The following FGF10 variants were observed in gnomAD, a reference collection of about 807,000 sequenced individuals.
FGF10 encodes FGF-10.
FGF10 carries 2 observed loss-of-function variants against 19.8 expected under a neutral mutation model. The observed-to-expected ratio is 0.10, with a 90% CI of 0.04 to 0.32. The LOEUF (loss-of-function observed/expected upper bound fraction) is 0.32, where lower values mean the gene tolerates loss of function less well. Among genes scored for constraint, FGF10 ranks in the 10% least tolerant of loss-of-function variants. FGF10 has a pLI of 1.00. For missense variants in FGF10, 191 were observed against 246.3 expected, an observed-to-expected ratio of 0.78 and a Z score of 1.50; for synonymous variants, 112 against 94.0, an observed-to-expected ratio of 1.19 and a Z score of -1.10.
At chr5:44,310,832 T>A (rs1013786929) in intron 1 of FGF10, among the ~76,000 whole-genome samples, 1 of 152,118 alleles carries the variant, frequency 6.6e-6, no homozygotes, top group Non-Finnish European at 1.5e-5. Flanking sequence ...TAACTCTGCA[T>A]TTTCAACCCT....
At chr5:44,348,368 A>G (rs959917868) in intron 1 of FGF10, among the ~76,000 whole-genome samples, 3 of 151,816 alleles carry the variant, frequency 2.0e-5, no homozygotes, top group African/African-American at 7.2e-5. Context: ...TGCCATAGTA[A>G]CACAACTTAC....
chr5:44,372,381 T>C (rs1195512291), intron 1 of FGF10, among the ~76,000 whole-genome samples: 7 of 152,166 alleles, frequency 4.6e-5, no homozygotes, highest in Non-Finnish European at 1.0e-4. Flanking sequence ...ACATTTGTCA[T>C]GGTATATGAG....
chr5:44,315,630 C>T (rs1045015622), intron 1 of FGF10, among the ~76,000 whole-genome samples: 1 of 152,138 alleles, frequency 6.6e-6, no homozygotes, highest in Non-Finnish European at 1.5e-5. Context: ...GATTATAATG[C>T]TATATAGTTT....
At chr5:44,359,059 A>T (rs1025367397) in intron 1 of FGF10, among the ~76,000 whole-genome samples, 1 of 151,490 alleles carries the variant, frequency 6.6e-6, no homozygotes, top group African/African-American at 2.4e-5. Context: ...GCCTTTTAGC[A>T]GTTGATTATG....
At chr5:44,324,976 T>C (rs1561201730) in intron 1 of FGF10, among the ~76,000 whole-genome samples, 2 of 152,226 alleles carry the variant, frequency 1.3e-5, no homozygotes, top group Admixed American at 6.5e-5. Context: ...AGATTATTCC[T>C]TGGTAAAATT....
At chr5:44,379,251 G>A (rs753302858) in intron 1 of FGF10, among the ~76,000 whole-genome samples, 32 of 152,188 alleles carry the variant, frequency 2.1e-4, no homozygotes, top group Non-Finnish European at 3.2e-4. Flanking sequence ...TGTGGAGAGT[G>A]TAAGCTCTAT....
intron 1 of FGF10, among the ~76,000 whole-genome samples, chr5:44,348,711 T>C (rs148176003): frequency 1.1e-4 from 16 of 151,710 alleles, no homozygotes; most frequent in Non-Finnish European, 1.6e-4. Flanking sequence ...ACATGCAATA[T>C]TTTGGACATA....
chr5:44,345,580 C>A (rs1194777459), intron 1 of FGF10, among the ~76,000 whole-genome samples: 1 of 149,014 alleles, frequency 6.7e-6, no homozygotes, highest in Non-Finnish European at 1.5e-5. Flanking sequence ...CTTCCCTTCT[C>A]AGAAATAGAA....
intron 1 of FGF10, among the ~76,000 whole-genome samples, chr5:44,369,009 C>T (rs945569361): frequency 2.6e-5 from 4 of 151,994 alleles, no homozygotes; most frequent in Non-Finnish European, 4.4e-5. Flanking sequence ...ATTCATGTTT[C>T]CTATGACTTT....
chr5:44,319,207 T>C (rs543685253), intron 1 of FGF10, among the ~76,000 whole-genome samples: 2 of 152,098 alleles, frequency 1.3e-5, no homozygotes, highest in African/African-American at 2.4e-5. Context: ...CTGCATTTTA[T>C]TTATAAAGAG....
At chr5:44,312,001 G>A (rs1740221956) in intron 1 of FGF10, among the ~76,000 whole-genome samples, 1 of 152,014 alleles carries the variant, frequency 6.6e-6, no homozygotes, top group African/African-American at 2.4e-5. Context: ...ACTTTGCCAA[G>A]ACTACATGTC....
intron 1 of FGF10, among the ~76,000 whole-genome samples, chr5:44,366,127 C>CTTTTTTTTTTTTTCT (rs1741606407): frequency 1.3e-5 from 1 of 74,808 alleles, no homozygotes; most frequent in Non-Finnish European, 2.3e-5. Context: ...CAATTATTTC[C>CTTTTTTTTTTTTTCT]TTTTTTTTTT....
At chr5:44,358,629 A>G (rs1461234702) in intron 1 of FGF10, among the ~76,000 whole-genome samples, 1 of 151,450 alleles carries the variant, frequency 6.6e-6, no homozygotes, top group Non-Finnish European at 1.5e-5. Context: ...TTCAGACATA[A>G]TTAACCCCAG....
chr5:44,317,117 C>A (rs1173012051), intron 1 of FGF10, among the ~76,000 whole-genome samples: 1 of 152,130 alleles, frequency 6.6e-6, no homozygotes, highest in Non-Finnish European at 1.5e-5. Flanking sequence ...CTAGACTGGG[C>A]TAATCAGTAA....
chr5:44,318,263 G>A (rs1041461625), intron 1 of FGF10, among the ~76,000 whole-genome samples: 1 of 152,132 alleles, frequency 6.6e-6, no homozygotes, highest in African/African-American at 2.4e-5. Context: ...TCATTTGAAT[G>A]GTAACAAAGC....
intron 1 of FGF10, among the ~76,000 whole-genome samples, chr5:44,375,366 T>A (rs1561219021): frequency 5.9e-5 from 9 of 151,982 alleles, no homozygotes; most frequent in Admixed American, 2.6e-4. Flanking sequence ...AGAGATGACA[T>A]CTAAGTGAAA....
chr5:44,368,377 G>A (rs2111876970), intron 1 of FGF10, among the ~76,000 whole-genome samples: 1 of 152,152 alleles, frequency 6.6e-6, no homozygotes, highest in South Asian at 2.1e-4. Context: ...CTTTGGCTAA[G>A]TGCCTCATAC....
intron 1 of FGF10, among the ~76,000 whole-genome samples, chr5:44,387,610 C>A (rs1742133037): frequency 6.6e-6 from 1 of 152,154 alleles, no homozygotes; most frequent in African/African-American, 2.4e-5. Flanking sequence ...CAAAGCAGTG[C>A]ATACGCTATT....
chr5:44,324,412 T>A (rs994279926), intron 1 of FGF10, among the ~76,000 whole-genome samples: 1 of 152,126 alleles, frequency 6.6e-6, no homozygotes, highest in African/African-American at 2.4e-5. Context: ...AGAAAAACAT[T>A]ACCTTAAACT....
Sources: allele counts gnomAD v4.1 joint callset (sites outside exome capture counted in the v4.1 genomes callset), GRCh38; gene constraint gnomAD v4.1.1; transcripts MANE v1.5; gene names NCBI Gene and HGNC (gene_info 2026-07-23, HGNC 2026-07-21).